KCNJ3: variants seen among roughly 807,000 people sequenced by gnomAD.
The protein encoded by KCNJ3 is potassium inwardly rectifying channel subfamily J member 3.
Under a neutral mutation model 39.2 loss-of-function variants are expected in KCNJ3, and 4 were observed. The observed-to-expected ratio is 0.10, with a 90% confidence interval of 0.05 to 0.23. The LOEUF (loss-of-function observed/expected upper bound fraction) is 0.23. Among genes scored for constraint, KCNJ3 ranks in the 10% least tolerant of loss-of-function variants. The pLI, the probability that KCNJ3 is intolerant of heterozygous loss-of-function variation, is 1.00. For missense variants in KCNJ3, 276 were observed against 634.9 expected (o/e 0.43, Z 6.08); for synonymous variants, 230 against 237.4 (o/e 0.97, Z 0.29).
chr2:154,762,681 A>T (rs1471440991), intron 2 of KCNJ3, among the ~76,000 whole-genome samples: 1 of 131,762 alleles, frequency 7.6e-6, no homozygotes, highest in East Asian at 1.9e-4. Context: ...TTCTCAAATT[A>T]TATACAAAAT....
chr2:154,708,438 A>C (rs1275456541), intron 1 of KCNJ3, among the ~76,000 whole-genome samples: 1 of 152,074 alleles, frequency 6.6e-6, no homozygotes, highest in African/African-American at 2.4e-5. Context: ...TCAAACTATC[A>C]CTTCATTGGG....
In KCNJ3 at chr2:154,856,810, G is replaced by T. The variant is rs897704805; in HGVS notation, c.*1497G>T. On this transcript the variant is annotated 3_prime_UTR_variant, in exon 3 of 3. Coordinates refer to ENST00000295101, the MANE Select transcript of KCNJ3 (RefSeq NM_002239.4). ...CACTTTCAAAATAAAAATTTGGAAT[G>T]CAGACTTTTATGAAAATTTAAAAGT... 6.6e-5 allele frequency: 10 copies of T among 152,084 alleles called. No homozygotes were observed. Among genetic ancestry groups the T allele is most frequent in the African/African-American group, 2.2e-4 (9 of 41,420 alleles). The allele number at this position is 152,084 out of a possible 1,614,324, so 9.4% of individuals were successfully genotyped here.
rs534912837 is a variant in KCNJ3 at position 154,847,890 on chromosome 2, C to T, written c.920-6837C>T. The stretch of plus-strand genomic sequence containing the variant: ...TCTGGCATTAAAACCGATGCTTTAC[C>T]CTCTCTGCAACTGGCCTCTAGGGCT... On this transcript the variant is annotated intron_variant, in intron 2 of 2. Transcript: ENST00000295101. Among the ~76,000 whole-genome samples the T allele has an allele frequency of 1.6e-3, 242 of 152,108 alleles. 1 individual carries two copies. Among genetic ancestry groups the T allele is most frequent in the Non-Finnish European group, 3.0e-3 (207 of 67,986 alleles).
intron 2 of KCNJ3, among the ~76,000 whole-genome samples, chr2:154,769,402 G>T (rs4584981): frequency 1.3e-5 from 2 of 152,138 alleles, no homozygotes; most frequent in South Asian, 4.1e-4. Flanking sequence ...ATGAAGGGCT[G>T]TTGAATTTTT....
intron 2 of KCNJ3, among the ~76,000 whole-genome samples, chr2:154,789,621 T>C (rs768071813): frequency 2.0e-5 from 3 of 152,072 alleles, no homozygotes; most frequent in Non-Finnish European, 4.4e-5. Context: ...AGAACATACA[T>C]ATAGTGTAAT....
intron 2 of KCNJ3, among the ~76,000 whole-genome samples, chr2:154,757,422 A>G (rs1012751769): frequency 4.6e-5 from 7 of 152,162 alleles, no homozygotes; most frequent in African/African-American, 1.7e-4. Context: ...AGCATAAAAT[A>G]CAATTTTTAC....
chr2:154,809,424 T>C (rs1216459606), intron 2 of KCNJ3, among the ~76,000 whole-genome samples: 1 of 152,160 alleles, frequency 6.6e-6, no homozygotes, highest in Non-Finnish European at 1.5e-5. Context: ...GTAGGCTGGG[T>C]AGTTGGCTAA....
At chr2:154,744,644 A>T (rs969063355) in intron 2 of KCNJ3, among the ~76,000 whole-genome samples, 1 of 151,736 alleles carries the variant, frequency 6.6e-6, no homozygotes, top group South Asian at 2.1e-4. Context: ...TAACGTTTAG[A>T]TGTCTGCATT....
intron 2 of KCNJ3, among the ~76,000 whole-genome samples, chr2:154,833,702 C>T (rs964867556): frequency 6.6e-5 from 10 of 152,118 alleles, no homozygotes. Context: ...TTCATCCCTC[C>T]GTCTCCCTAA....
intron 2 of KCNJ3, among the ~76,000 whole-genome samples, chr2:154,785,273 G>A (rs534325507): frequency 1.3e-5 from 2 of 152,276 alleles, no homozygotes; most frequent in South Asian, 4.1e-4. Flanking sequence ...CACAGTTTAG[G>A]AGGATCCTAG....
In KCNJ3 at chr2:154,810,689, T is replaced by G. The variant is rs559433455; in HGVS notation, c.920-44038T>G. 3.3e-5 allele frequency among the ~76,000 whole-genome samples: 5 copies of G among 152,226 alleles called. No homozygotes were observed. In the East Asian group the frequency reaches 9.7e-4, roughly 29 times the overall value. On this transcript the variant is annotated intron_variant, in intron 2 of 2. Coordinates refer to ENST00000295101, the MANE Select transcript of KCNJ3 (RefSeq NM_002239.4). ...ATTTGAAAAACTAGTCAAAAATATA[T>G]CAAATCAAACTACAGATGAATTAAA...
intron 2 of KCNJ3, among the ~76,000 whole-genome samples, chr2:154,728,361 T>G (rs1488952517): frequency 6.6e-6 from 1 of 152,238 alleles, no homozygotes; most frequent in Non-Finnish European, 1.5e-5. Context: ...TTTGCTCTAG[T>G]GCTCTGATGC....
intron 2 of KCNJ3, among the ~76,000 whole-genome samples, chr2:154,783,159 A>G (rs1056033457): frequency 1.3e-5 from 2 of 152,158 alleles, no homozygotes; most frequent in African/African-American, 2.4e-5. Context: ...CCTGGGCGAC[A>G]AAAGTGAAAC....
chr2:154,793,612 T>A (rs2591155), intron 2 of KCNJ3, among the ~76,000 whole-genome samples: 2 of 152,106 alleles, frequency 1.3e-5, no homozygotes, highest in East Asian at 3.9e-4. Flanking sequence ...AAGTGTTGTC[T>A]AAAGCTGTAT....
intron 2 of KCNJ3, among the ~76,000 whole-genome samples, chr2:154,744,679 A>G (rs963640336): frequency 6.6e-6 from 1 of 151,708 alleles, no homozygotes; most frequent in East Asian, 1.9e-4. Flanking sequence ...CCTCTGTTTC[A>G]TTGCTGATAT....
chr2:154,848,164 G>A (rs1687692418), intron 2 of KCNJ3, among the ~76,000 whole-genome samples: 1 of 151,930 alleles, frequency 6.6e-6, no homozygotes, highest in African/African-American at 2.4e-5. Flanking sequence ...CTATGTTTTG[G>A]TGTAATATGC....
chr2:154,699,490 C>G lies in KCNJ3; in HGVS notation c.702+13C>G, dbSNP rs753418531. The stretch of plus-strand genomic sequence containing the variant: ...CAAGCTGCTCAAAGTAAGTGCTCCC[C>G]GCCCCTTCCCCACCGGGAGACCTGC... On this transcript the variant is annotated intron_variant, in intron 1 of 2. Coordinates refer to ENST00000295101, the MANE Select transcript of KCNJ3 (RefSeq NM_002239.4). This position sits in a 1 kb window ranked among gnomAD's most constrained non-coding sequence, Gnocchi z 6.4. The G allele has an allele frequency of 1.3e-6, 2 of 1,558,210 alleles. No homozygotes were observed. Among genetic ancestry groups the G allele is most frequent in the Non-Finnish European group, 1.7e-6 (2 of 1,157,092 alleles).
chr2:154,739,538 A>G (rs1192237010), intron 2 of KCNJ3, among the ~76,000 whole-genome samples: 1 of 151,998 alleles, frequency 6.6e-6, no homozygotes, highest in African/African-American at 2.4e-5. Flanking sequence ...ATCCTTCTTC[A>G]CCTTCGTTTT....
intron 2 of KCNJ3, among the ~76,000 whole-genome samples, chr2:154,808,921 G>T (rs1180021273): frequency 6.6e-6 from 1 of 152,068 alleles, no homozygotes; most frequent in Non-Finnish European, 1.5e-5. Context: ...ATGAAAAGGG[G>T]TATGAAATGT....
Sources: gnomAD v4.1 joint callset for allele counts (sites outside exome capture counted in the v4.1 genomes callset) on GRCh38, gnomAD v4.1.1 for gene constraint, Gnocchi (gnomAD v3.1) non-coding constraint, MANE v1.5 for transcripts, NCBI Gene and HGNC (gene_info 2026-07-23, HGNC 2026-07-21) for gene names.